DPP6: variants seen among roughly 807,000 people sequenced by gnomAD.
DPP6 encodes A-type potassium channel modulatory protein DPP6.
In DPP6, 69 loss-of-function variants were observed where a neutral mutation model predicts 122.6. The ratio of observed to expected loss-of-function variants is 0.56; its 90% CI spans 0.46 to 0.69. The LOEUF (loss-of-function observed/expected upper bound fraction) is 0.69. Ranked by LOEUF, DPP6 falls within the 30% of genes least tolerant of loss-of-function variation. DPP6 has a pLI of 0.00. For synonymous variants in DPP6, 418 were observed against 433.1 expected, an observed-to-expected ratio of 0.97 and a Z score of 0.43; for missense variants, 928 against 1,116.9, an observed-to-expected ratio of 0.83 and a Z score of 2.41.
intron 1 of DPP6, among the ~76,000 whole-genome samples, chr7:154,426,184 T>C (rs188470199): frequency 6.6e-6 from 1 of 152,200 alleles, no homozygotes; most frequent in Non-Finnish European, 1.5e-5. Flanking sequence ...TTACCCAGCA[T>C]ACTGTTTGCC....
At chr7:154,807,410 A>G (rs1214553547) in intron 16 of DPP6, among the ~76,000 whole-genome samples, 1 of 152,224 alleles carries the variant, frequency 6.6e-6, no homozygotes, top group Non-Finnish European at 1.5e-5. Flanking sequence ...ACAAAAAATA[A>G]TAGTCCCATG....
chr7:154,242,517 C>G (rs1359467052), intron 1 of DPP6, among the ~76,000 whole-genome samples: 1 of 152,162 alleles, frequency 6.6e-6, no homozygotes, highest in Non-Finnish European at 1.5e-5. Flanking sequence ...ATAAACAACT[C>G]TAAAGCTGGT....
At chr7:154,292,420 G>C (rs1805269464) in intron 1 of DPP6, among the ~76,000 whole-genome samples, 1 of 152,116 alleles carries the variant, frequency 6.6e-6, no homozygotes, top group East Asian at 1.9e-4. Context: ...TCAGTACAAG[G>C]GCAATCTGTC....
chr7:153,757,778 C>T, the DPP6 span, among the ~76,000 whole-genome samples: 1 of 152,072 alleles, frequency 6.6e-6, no homozygotes, highest in African/African-American at 2.4e-5. Flanking sequence ...GCCAACATGG[C>T]GAAACCCCAT....
intron 1 of DPP6, among the ~76,000 whole-genome samples, chr7:154,036,298 GGT>G (rs1799532158): frequency 9.6e-6 from 1 of 103,924 alleles, no homozygotes; most frequent in Admixed American, 9.7e-5. Context: ...TTTAGCGGGG[GGT>G]TGGGGGCGGG....
At chr7:153,749,937 C>G in the DPP6 span, among the ~76,000 whole-genome samples, 1 of 148,398 alleles carries the variant, frequency 6.7e-6, no homozygotes, top group Non-Finnish European at 1.5e-5. This position sits in a 1 kb window ranked among gnomAD's most constrained non-coding sequence, Gnocchi z 4.1. Context: ...ACTCTGTCAT[C>G]TTATTTTCGA....
At chr7:154,692,337 A>C (rs188207924) in intron 7 of DPP6, among the ~76,000 whole-genome samples, 2 of 152,218 alleles carry the variant, frequency 1.3e-5, no homozygotes, top group Non-Finnish European at 2.9e-5. Context: ...CTTATTTTGC[A>C]TAATTATTGG....
At chr7:154,189,100 C>T (rs1798491718) in intron 1 of DPP6, among the ~76,000 whole-genome samples, 1 of 152,146 alleles carries the variant, frequency 6.6e-6, no homozygotes, top group Admixed American at 6.5e-5. Context: ...TCCCTGAAAC[C>T]ATTTTCTGCA....
Position 153,910,082 on chromosome 7 carries a change from G to A in DPP6, c.51+22348G>A, listed in dbSNP as rs573472536. ...TCATTTTTCTTTCATGTGATGCTCC[G>A]TGAATGTAATACACATGTATACTTT... is the stretch of plus-strand genomic sequence containing the variant. On this transcript the variant is annotated intron_variant, in intron 1 of 25. Coordinates refer to the DPP6 transcript ENST00000404039. Among the ~76,000 whole-genome samples, 26 of 152,150 alleles carry A rather than the reference G, an allele frequency of 1.7e-4. No homozygotes were observed. The East Asian group carries it at 3.9e-3, about 23-fold the overall frequency.
chr7:154,827,199 G>GACACAC (rs113467683), intron 16 of DPP6, among the ~76,000 whole-genome samples: 1 of 146,552 alleles, frequency 6.8e-6, no homozygotes, highest in African/African-American at 2.5e-5. Context: ...CCCCCTCCCA[G>GACACAC]ACACACACAC....
At chr7:153,964,701 G>C (rs1258620160) in intron 1 of DPP6, among the ~76,000 whole-genome samples, 1 of 152,142 alleles carries the variant, frequency 6.6e-6, no homozygotes, top group Non-Finnish European at 1.5e-5. Flanking sequence ...TTTCGTGTCT[G>C]TGAGATGCCT....
At chr7:154,113,561 G>T (rs562343851) in intron 1 of DPP6, among the ~76,000 whole-genome samples, 1 of 152,124 alleles carries the variant, frequency 6.6e-6, no homozygotes, top group Admixed American at 6.5e-5. Context: ...CTTTTTATGT[G>T]CCTGTTGGCC....
chr7:154,423,294 G>T (rs753300006), intron 1 of DPP6, among the ~76,000 whole-genome samples: 2 of 152,306 alleles, frequency 1.3e-5, no homozygotes, highest in East Asian at 1.9e-4. Context: ...GAAAAACTCC[G>T]AGGGTTAGTC....
At chr7:153,910,234 CTTT>C (rs111816561) in intron 1 of DPP6, among the ~76,000 whole-genome samples, 1 of 137,748 alleles carries the variant, frequency 7.3e-6, no homozygotes, top group African/African-American at 2.7e-5. Context: ...TTCTTTCTTT[CTTT>C]TTTTTTTTTT....
chr7:154,033,257 T>A (rs2533791), intron 1 of DPP6, among the ~76,000 whole-genome samples: 1 of 152,222 alleles, frequency 6.6e-6, no homozygotes, highest in Non-Finnish European at 1.5e-5. Flanking sequence ...CATAAATATA[T>A]ACATACTTGG....
intron 1 of DPP6, among the ~76,000 whole-genome samples, chr7:154,235,527 T>C: frequency 6.8e-6 from 1 of 147,056 alleles, no homozygotes; most frequent in East Asian, 2.0e-4. Flanking sequence ...TAAGTGATAA[T>C]TAAAAGCGTG....
chr7:153,819,077 C>CTTTTTTTT, the DPP6 span, among the ~76,000 whole-genome samples: 7 of 99,852 alleles, frequency 7.0e-5, 1 homozygote, highest in Non-Finnish European at 1.1e-4. Flanking sequence ...CTTTTCTTTT[C>CTTTTTTTT]TTTTTTTTTT....
At position 154,863,451 on chromosome 7, in the gene DPP6, G is replaced by T. The variant is rs1297552176; in HGVS notation, c.1715-4544G>T. Among the ~76,000 whole-genome samples, 2 of 150,992 alleles carry T rather than the reference G, an allele frequency of 1.3e-5. No individual in the cohort carries two copies. Among genetic ancestry groups the T allele is most frequent in the Non-Finnish European group, 2.9e-5 (2 of 67,864 alleles). Reference sequence around the variant, plus strand: ...TCCCACTGCAGCCTCGACCTCCAGAGCTCAAGCTGTCCTCCCACCTCAGCC... The same window carrying T: ...TCCCACTGCAGCCTCGACCTCCAGATCTCAAGCTGTCCTCCCACCTCAGCC... On this transcript the variant is annotated intron_variant, in intron 17 of 25. Transcript: ENST00000377770. This position sits in a 1 kb window ranked among gnomAD's most constrained non-coding sequence, Gnocchi z 4.1.
At chr7:154,621,696 G>A (rs6597446) in intron 5 of DPP6, among the ~76,000 whole-genome samples, 114 of 152,058 alleles carry the variant, frequency 7.5e-4, no homozygotes, top group Admixed American at 2.4e-3. Context: ...ATTCTAGGCC[G>A]TAATTTTTTC....
Sources: gnomAD v4.1 joint callset for allele counts (sites outside exome capture counted in the v4.1 genomes callset) on GRCh38, gnomAD v4.1.1 for gene constraint, Gnocchi (gnomAD v3.1) non-coding constraint, MANE v1.5 for transcripts, NCBI Gene and HGNC (gene_info 2026-07-23, HGNC 2026-07-21) for gene names.